The following P4HA2 variants were observed in gnomAD, a reference collection of about 807,000 sequenced individuals.
P4HA2 encodes the protein prolyl 4-hydroxylase subunit alpha-2.
Under a neutral mutation model 76.9 loss-of-function variants are expected in P4HA2, and 46 were observed. The observed-to-expected ratio is 0.60, with a 90% CI of 0.47 to 0.76. The LOEUF is 0.76. Among genes scored for constraint, P4HA2 ranks in the 30% least tolerant of loss-of-function variants. P4HA2 has a pLI of 0.00. For synonymous variants in P4HA2, 243 were observed against 254.0 expected (o/e 0.96, Z 0.41); for missense variants, 583 against 669.4 (o/e 0.87, Z 1.42).
chr5:132,209,005 G>T, intron 7 of P4HA2, 133 bp downstream of exon 7: 1 of 669,390 alleles, frequency 1.5e-6, no homozygotes, highest in Non-Finnish European at 2.6e-6. Flanking sequence ...AGCCTCAGGA[G>T]ATGCCATGAA....
chr5:132,215,164 G>C (rs969031162), intron 4 of P4HA2, among the ~76,000 whole-genome samples: 1 of 152,240 alleles, frequency 6.6e-6, no homozygotes, highest in African/African-American at 2.4e-5. Context: ...TACATGGTCA[G>C]GGACTCTAAA....
In P4HA2 at chr5:132,204,134, G is replaced by T. The variant is rs372142499; in HGVS notation, c.1099C>A (p.Arg367Ser). ...GTGAGGACTCCTGTCTTGGGATCAC[G>T]AACGGTGGCTCGTGCAAGCTAGAAG... is the stretch of plus-strand genomic sequence containing the variant. Reference protein sequence around the residue: ...AKPKLARATVRDPKTGVLTVA... With the variant: ...AKPKLARATVSDPKTGVLTVA... Residue 367 changes from arginine (R) to serine (S), a missense_variant, in exon 9 of 15, where the codon CGT becomes AGT. Coordinates refer to ENST00000360568, the MANE Select transcript of P4HA2 (RefSeq NM_001017974.2). 2.5e-6 allele frequency: 4 copies of T among 1,613,426 alleles called. No homozygotes were observed. The highest frequency in any genetic ancestry group is 3.4e-6 in the Non-Finnish European group (4 of 1,179,432).
Position 132,195,416 on chromosome 5 carries a change from T to C in P4HA2, c.1430A>G (p.Lys477Arg). The C allele has an allele frequency of 1.2e-6, 2 of 1,611,136 alleles. No homozygotes were observed. The highest frequency in any genetic ancestry group is 4.5e-5 in the East Asian group (2 of 44,874). Residue 477 changes from lysine (K) to arginine (R), a missense_variant, in exon 13 of 15, where the codon AAG (lysine) becomes AGG (arginine). Transcript: ENST00000360568. ...FPDLGAAIWP[K>R]KGTAVFWYNL... Reference sequence around the variant, plus strand: ...CCCACAAGAATCAGAACTTACCTTCTTAGGCCAAATTGCAGCCCCCAGATC... The same window carrying C: ...CCCACAAGAATCAGAACTTACCTTCCTAGGCCAAATTGCAGCCCCCAGATC...
intron 11 of P4HA2, 121 bp from the exon 12 acceptor site, chr5:132,198,501 A>T: frequency 1.1e-6 from 1 of 934,976 alleles, no homozygotes; most frequent in South Asian, 1.5e-5. Context: ...AGCCTGGAAT[A>T]TGTGCCAAAG....
intron 4 of P4HA2, among the ~76,000 whole-genome samples, chr5:132,216,223 A>G (rs1402115979): frequency 2.0e-5 from 3 of 151,164 alleles, no homozygotes; most frequent in African/African-American, 7.3e-5. Context: ...CAGGGCTAGG[A>G]GTTAGGAGAG....
At position 132,210,543 on chromosome 5, in the gene P4HA2, T is replaced by C. The variant is rs757729530; in HGVS notation, c.470-20A>G. The C allele has an allele frequency of 3.7e-6, 6 of 1,613,516 alleles. No individual in the cohort carries two copies. The highest frequency in any genetic ancestry group is 1.7e-5 in the Admixed American group (1 of 60,010). On this transcript the variant is annotated intron_variant, in intron 5 of 14. Coordinates refer to ENST00000360568, the MANE Select transcript of P4HA2 (RefSeq NM_001017974.2). ...TGGTTCCTACAGCAGGGGAAGTAAA[T>C]TGTCAGGCTCCAAAGAGCCTCTGGA...
chr5:132,218,473 A>G, intron 2 of P4HA2, 72 bp downstream of exon 2: 1 of 1,051,276 alleles, frequency 9.5e-7, no homozygotes, highest in Non-Finnish European at 1.5e-6. Context: ...AAATGAGAAC[A>G]GGCTGCAGCC....
intron 1 of P4HA2, chr5:132,226,813 AG>A: frequency 6.6e-6 from 1 of 152,518 alleles, no homozygotes; most frequent in Non-Finnish European, 1.5e-5. Flanking sequence ...ATCTCACTCC[AG>A]GGTCTTGTAG....
At chr5:132,205,771 A>G (rs982418284) in intron 8 of P4HA2, among the ~76,000 whole-genome samples, 4 of 152,140 alleles carry the variant, frequency 2.6e-5, no homozygotes, top group African/African-American at 9.7e-5. Context: ...CCTGAGCTTC[A>G]GCTCATGTCA....
At chr5:132,203,956 G>T in intron 9 of P4HA2, 109 bp from the exon 10 acceptor site, 1 of 1,140,682 alleles carries the variant, frequency 8.8e-7, no homozygotes, top group Non-Finnish European at 1.3e-6. Context: ...AGTACAGGAT[G>T]CCTGCTGCAA....
At position 132,193,053 on chromosome 5, in the gene P4HA2, C is replaced by T. The variant is rs753260673; in HGVS notation, c.1559G>A (p.Gly520Glu). The T allele has an allele frequency of 1.9e-6, 3 of 1,613,246 alleles. No individual in the cohort carries two copies. Among genetic ancestry groups the T allele is most frequent in the Admixed American group, 3.3e-5 (2 of 60,028 alleles). Reference protein sequence around the residue: ...WVSNKWFHERGQEFLRPCGST... With the variant: ...WVSNKWFHEREQEFLRPCGST... ...TCCACAAGGTCTCAAGAACTCCTGT[C>T]CTCGTTCATGGAACCACTTATTGGA... Residue 520 changes from glycine to glutamate, a missense_variant, in exon 15 of 15, where the codon GGA (glycine) becomes GAA (glutamate). Coordinates refer to ENST00000360568, the MANE Select transcript of P4HA2 (RefSeq NM_001017974.2).
At chr5:132,216,162 CAAAAAAAAAA>C (rs5871448) in intron 4 of P4HA2, among the ~76,000 whole-genome samples, 5 of 63,138 alleles carry the variant, frequency 7.9e-5, no homozygotes, top group East Asian at 1.0e-3. Flanking sequence ...GACTCAGTCT[CAAAAAAAAAA>C]AAAAAAAAAA....
In P4HA2 at chr5:132,190,378, T is replaced by G. The variant is rs113676734; in HGVS notation, c.*2632A>C. Among the ~76,000 whole-genome samples the G allele has an allele frequency of 2.7e-3, 414 of 152,312 alleles. 3 individuals carry two copies. Among genetic ancestry groups the G allele is most frequent in the African/African-American group, 9.2e-3 (381 of 41,578 alleles). On this transcript the variant is annotated 3_prime_UTR_variant, in exon 15 of 15. Transcript: ENST00000360568. ...CAGATTCCCTTATCAGCTGGCTTCC[T>G]GTTAGGGTCTACCAATGGAAGCCAC...
At chr5:132,196,657 T>C (rs984982560) in intron 12 of P4HA2, among the ~76,000 whole-genome samples, 11 of 151,950 alleles carry the variant, frequency 7.2e-5, no homozygotes, top group African/African-American at 2.2e-4. Context: ...GGTCAGGAGC[T>C]TGAGACCAGT....
chr5:132,208,431 A>G (rs1452631101), intron 7 of P4HA2, among the ~76,000 whole-genome samples: 5 of 3,292 alleles, frequency 1.5e-3, no homozygotes, highest in Non-Finnish European at 2.4e-3. Flanking sequence ...GGGGGAGGGG[A>G]GGAGAGGGGG....
chr5:132,206,178 T>C (rs987731038), intron 8 of P4HA2, among the ~76,000 whole-genome samples: 2 of 152,184 alleles, frequency 1.3e-5, no homozygotes, highest in Non-Finnish European at 2.9e-5. Flanking sequence ...TATGCACACA[T>C]GCACAGAGAA....
rs71810391 is a variant in P4HA2 at position 132,192,925 on chromosome 5, TAGGAACATACAA to T, written c.*73_*84del. 3,656 of 888,950 alleles carry T rather than the reference TAGGAACATACAA, an allele frequency of 4.1e-3. 80 individuals carry two copies. In the African/African-American group the frequency reaches 0.049, roughly 12 times the overall value. 55.1% of individuals were successfully genotyped at this position (888,950 alleles called of 1,614,324 possible). On this transcript the variant is annotated 3_prime_UTR_variant, in exon 15 of 15. Coordinates refer to ENST00000360568, the MANE Select transcript of P4HA2 (RefSeq NM_001017974.2). ...TTCATTTCTCCAAAAATCAGCCTGA[TAGGAACATACAA>T]AGGAACATACAAAGGTGTCTGTCAC...
intron 1 of P4HA2, among the ~76,000 whole-genome samples, chr5:132,223,278 T>C (rs1293285845): frequency 6.6e-6 from 1 of 152,238 alleles, no homozygotes; most frequent in Non-Finnish European, 1.5e-5. Flanking sequence ...TTCTTTTGTT[T>C]TTTTGAGACA....
Position 132,217,812 on chromosome 5 carries a change from A to T in P4HA2, c.119T>A (p.Leu40Gln). The part of the protein sequence containing the change: ...MTDLIYAEKE[L>Q]VQSLKEYILV... ...GATGTACTCTTTCAGAGACTGCACCAGCTCTTTCTCTGCATAAATCAGGTC... is the reference window on the plus strand; with the variant it reads ...GATGTACTCTTTCAGAGACTGCACCTGCTCTTTCTCTGCATAAATCAGGTC... Residue 40 changes from leucine (L) to glutamine (Q), a missense_variant, in exon 3 of 15, where the codon CTG (leucine) becomes CAG (glutamine). Leu to Gln is a moderately radical substitution (Grantham distance 113). Coordinates refer to ENST00000360568, the MANE Select transcript of P4HA2 (RefSeq NM_001017974.2). 6.2e-7 allele frequency: 1 copy of T among 1,613,192 alleles called. No homozygotes were observed. The highest frequency in any genetic ancestry group is 8.5e-7 in the Non-Finnish European group (1 of 1,179,174).
Sources: gnomAD v4.1 joint callset for allele counts (sites outside exome capture counted in the v4.1 genomes callset) on GRCh38, gnomAD v4.1.1 for gene constraint, MANE v1.5 for transcripts, NCBI Gene and HGNC (gene_info 2026-07-23, HGNC 2026-07-21) for gene names.